The following TMEM117 variants were observed in gnomAD, a reference collection of about 807,000 sequenced individuals.
TMEM117 encodes transmembrane protein 117.
Under a neutral mutation model 52.4 loss-of-function variants are expected in TMEM117, and 27 were observed. That is an observed-to-expected ratio of 0.51 (90% CI 0.38 to 0.71). The LOEUF is 0.71. Among genes scored for constraint, TMEM117 ranks in the 30% least tolerant of loss-of-function variants. The pLI is 0.00. For synonymous variants in TMEM117, 215 were observed against 206.3 expected, an observed-to-expected ratio of 1.04 and a Z score of -0.36; for missense variants, 556 against 630.5, an observed-to-expected ratio of 0.88 and a Z score of 1.26.
At position 44,146,631 on chromosome 12, in the gene TMEM117, G is replaced by A. The variant is rs370911651; in HGVS notation, c.510+3007G>A. On this transcript the variant is annotated intron_variant, in intron 4 of 7. Transcript: ENST00000266534. Reference sequence around the variant, plus strand: ...CTATTCCCATTTCTATTCACTGATTGGGCAGTGAGTTTCTGTATAAATATT... The same window carrying A: ...CTATTCCCATTTCTATTCACTGATTAGGCAGTGAGTTTCTGTATAAATATT... 1.4e-4 allele frequency among the ~76,000 whole-genome samples: 21 copies of A among 152,226 alleles called. 1 individual carries two copies. Among genetic ancestry groups the A allele is most frequent in the African/African-American group, 5.1e-4 (21 of 41,536 alleles).
chr12:44,206,859 C>G (rs537436605), intron 4 of TMEM117, among the ~76,000 whole-genome samples: 11 of 152,060 alleles, frequency 7.2e-5, no homozygotes, highest in Non-Finnish European at 4.4e-5. Context: ...TTCCACCTAT[C>G]GGATACTATG....
intron 3 of TMEM117, among the ~76,000 whole-genome samples, chr12:44,067,241 T>C (rs556951145): frequency 1.2e-3 from 190 of 152,318 alleles, no homozygotes; most frequent in Middle Eastern, 3.4e-3. Flanking sequence ...CCACAAGGGT[T>C]GGAGTCAACT....
At chr12:44,206,253 G>A (rs1288863129) in intron 4 of TMEM117, among the ~76,000 whole-genome samples, 7 of 152,160 alleles carry the variant, frequency 4.6e-5, no homozygotes, top group Non-Finnish European at 8.8e-5. Context: ...GACACAGCTC[G>A]CTCATGCTAT....
the TMEM117 span, among the ~76,000 whole-genome samples, chr12:43,806,596 C>T: frequency 6.6e-6 from 1 of 152,194 alleles, no homozygotes. Context: ...GCCGACGCCG[C>T]CATTCGCTGC....
rs115198760 is a variant in TMEM117 at position 44,304,440 on chromosome 12, C to T, written c.768+4701C>T. On this transcript the variant is annotated intron_variant, in intron 6 of 7. Transcript: ENST00000266534. The stretch of plus-strand genomic sequence containing the variant: ...TGGCTAGTCCTTGTGCTGTGCTGAG[C>T]TTGGAGGCAGTAGACTTTGTGTCAT... Among the ~76,000 whole-genome samples the T allele has an allele frequency of 3.6e-3, 542 of 152,280 alleles. 3 individuals carry two copies. The highest frequency in any genetic ancestry group is 0.012 in the African/African-American group (503 of 41,552).
intron 5 of TMEM117, among the ~76,000 whole-genome samples, chr12:44,279,804 G>A (rs961689465): frequency 2.0e-5 from 3 of 152,102 alleles, no homozygotes; most frequent in Non-Finnish European, 4.4e-5. Context: ...GTGAGCCAGC[G>A]CACCCGGCCT....
At chr12:44,246,280 G>A (rs1950128549) in intron 5 of TMEM117, among the ~76,000 whole-genome samples, 1 of 151,922 alleles carries the variant, frequency 6.6e-6, no homozygotes, top group Admixed American at 6.6e-5. Flanking sequence ...AAGATATTCT[G>A]GGTTTTATTT....
chr12:44,374,496 A>C (rs1169655030), intron 6 of TMEM117, among the ~76,000 whole-genome samples: 2 of 152,076 alleles, frequency 1.3e-5, no homozygotes, highest in Non-Finnish European at 2.9e-5. Context: ...AATACAAAAA[A>C]GTAAAGTAAT....
chr12:44,127,645 C>T (rs922434881), intron 3 of TMEM117, among the ~76,000 whole-genome samples: 1 of 151,556 alleles, frequency 6.6e-6, no homozygotes. Flanking sequence ...CATTGCACTC[C>T]AGCCTGGGCA....
At chr12:44,056,908 A>G (rs1056016128) in intron 3 of TMEM117, among the ~76,000 whole-genome samples, 14 of 152,172 alleles carry the variant, frequency 9.2e-5, no homozygotes, top group Non-Finnish European at 2.1e-4. Context: ...TTTTATTCAG[A>G]ACAGATGTGA....
intron 4 of TMEM117, among the ~76,000 whole-genome samples, chr12:44,199,237 A>G (rs971403431): frequency 3.9e-5 from 6 of 152,174 alleles, no homozygotes; most frequent in African/African-American, 9.6e-5. Context: ...ACCATATTCC[A>G]TGGGCGGTAA....
At chr12:44,054,895 C>T (rs1947030231) in intron 3 of TMEM117, among the ~76,000 whole-genome samples, 1 of 152,010 alleles carries the variant, frequency 6.6e-6, no homozygotes, top group Non-Finnish European at 1.5e-5. Context: ...TCCCCACCTT[C>T]CCCACCCCAC....
intron 4 of TMEM117, among the ~76,000 whole-genome samples, chr12:44,188,716 C>T (rs775037651): frequency 2.0e-5 from 3 of 152,170 alleles, no homozygotes; most frequent in Non-Finnish European, 4.4e-5. Context: ...TCTGCTCCCA[C>T]CTCCCACAGC....
At chr12:44,339,570 T>G (rs1286249286) in intron 6 of TMEM117, among the ~76,000 whole-genome samples, 3 of 152,056 alleles carry the variant, frequency 2.0e-5, no homozygotes, top group Non-Finnish European at 4.4e-5. Flanking sequence ...GTTATAACAT[T>G]AATATACTAT....
intron 3 of TMEM117, among the ~76,000 whole-genome samples, chr12:44,120,568 A>G (rs961206948): frequency 2.6e-5 from 4 of 152,198 alleles, no homozygotes; most frequent in Non-Finnish European, 5.9e-5. Flanking sequence ...AGGAGTTGCT[A>G]CTAGCTTCCC....
At chr12:44,025,901 G>A (rs191325885) in intron 3 of TMEM117, among the ~76,000 whole-genome samples, 15 of 150,340 alleles carry the variant, frequency 1.0e-4, no homozygotes, top group Admixed American at 1.3e-4. Flanking sequence ...TTACCTATCC[G>A]CCCCCCCCAC....
chr12:44,354,136 T>TTGATTTTGTATCCTGAGACTTTGCTGAAG (rs1410166204), intron 6 of TMEM117, among the ~76,000 whole-genome samples: 1 of 152,178 alleles, frequency 6.6e-6, no homozygotes, highest in Non-Finnish European at 1.5e-5. Context: ...TTTTTGCACA[T>TTGATTTTGTATCCTGAGACTTTGCTGAAG]TGATTTTGTA....
At chr12:44,158,068 C>T (rs557358662) in intron 4 of TMEM117, among the ~76,000 whole-genome samples, 57 of 152,168 alleles carry the variant, frequency 3.7e-4, no homozygotes, top group Middle Eastern at 6.8e-3. Flanking sequence ...AGTATGAATG[C>T]TATATTCTCT....
intron 2 of TMEM117, among the ~76,000 whole-genome samples, chr12:43,846,013 C>A (rs1218810013): frequency 6.6e-6 from 1 of 151,982 alleles, no homozygotes; most frequent in African/African-American, 2.4e-5. Flanking sequence ...TAAAAAAATG[C>A]CTCCATATCA....
Sources: allele counts gnomAD v4.1 joint callset (sites outside exome capture counted in the v4.1 genomes callset), GRCh38; gene constraint gnomAD v4.1.1; transcripts MANE v1.5; gene names NCBI Gene and HGNC (gene_info 2026-07-23, HGNC 2026-07-21).